Variants in AUTS2 observed in about 807,000 individuals in gnomAD.
AUTS2 encodes the protein autism susceptibility gene 2 protein.
A neutral mutation model predicts 112.4 loss-of-function variants in AUTS2; 17 were observed. The ratio of observed to expected loss-of-function variants is 0.15; its 90% CI spans 0.10 to 0.23. The LOEUF (loss-of-function observed/expected upper bound fraction) is 0.23, where lower values mean the gene tolerates loss of function less well. Ranked by LOEUF, AUTS2 falls within the 10% of genes least tolerant of loss-of-function variation. The probability of loss-of-function intolerance (pLI) is 1.00; values close to 1 mark genes in which losing one functional copy is unlikely to be tolerated. For missense variants in AUTS2, 1,510 were observed against 1,701.6 expected (o/e 0.89, Z 1.98); for synonymous variants, 751 against 702.7 (o/e 1.07, Z -1.09).
chr7:70,016,309 T>A (rs1395323706), intron 2 of AUTS2, among the ~76,000 whole-genome samples: 1 of 152,154 alleles, frequency 6.6e-6, no homozygotes, highest in Non-Finnish European at 1.5e-5. Flanking sequence ...TATATATAAT[T>A]GACATTGTTA....
intron 6 of AUTS2, among the ~76,000 whole-genome samples, chr7:70,728,621 T>C (rs1449297487): frequency 1.4e-5 from 2 of 146,080 alleles, no homozygotes; most frequent in African/African-American, 5.1e-5. Flanking sequence ...GGCGGGAAAA[T>C]CACTTGAACC....
At chr7:70,305,963 C>T (rs145888712) in intron 4 of AUTS2, among the ~76,000 whole-genome samples, 1 of 151,486 alleles carries the variant, frequency 6.6e-6, no homozygotes, top group African/African-American at 2.4e-5. Flanking sequence ...AAAATTATGC[C>T]AAACCATGTA....
chr7:70,584,282 A>G (rs1048797285), intron 5 of AUTS2, among the ~76,000 whole-genome samples: 4 of 152,198 alleles, frequency 2.6e-5, no homozygotes, highest in Non-Finnish European at 5.9e-5. Context: ...ATCTGGGGAA[A>G]AATTTCTTCT....
intron 4 of AUTS2, among the ~76,000 whole-genome samples, chr7:70,243,285 G>A (rs1222036757): frequency 7.6e-6 from 1 of 130,934 alleles, no homozygotes; most frequent in Non-Finnish European, 1.7e-5. Flanking sequence ...GTGTGTATGA[G>A]TATATATATA....
chr7:70,045,738 A>G (rs1332297816), intron 2 of AUTS2, among the ~76,000 whole-genome samples: 1 of 148,740 alleles, frequency 6.7e-6, no homozygotes, highest in Non-Finnish European at 1.5e-5. Context: ...CCTCCCGAGT[A>G]GCTGGGATTA....
At chr7:70,496,180 CA>C (rs1209705407) in intron 5 of AUTS2, among the ~76,000 whole-genome samples, 65 of 140,376 alleles carry the variant, frequency 4.6e-4, no homozygotes, top group Non-Finnish European at 5.0e-4. Context: ...CACACACACA[CA>C]CACCCCACAC....
chr7:69,721,462 C>G (rs1186836189), intron 1 of AUTS2, among the ~76,000 whole-genome samples: 1 of 152,182 alleles, frequency 6.6e-6, no homozygotes, highest in East Asian at 1.9e-4. Context: ...CCAATTTTCT[C>G]TGCTAGAAGT....
chr7:70,436,797 C>T (rs1412185043), intron 5 of AUTS2: 2 of 152,216 alleles, frequency 1.3e-5, no homozygotes, highest in African/African-American at 4.8e-5. Flanking sequence ...CAAGAGAGAT[C>T]TAAAGGCTCT....
rs1488143755 is a variant in AUTS2, at chr7:69,872,649, T to C, written c.310-26637T>C. On this transcript the variant is annotated intron_variant, in intron 1 of 18. Transcript: ENST00000342771. ...GAAAGTAGGCCTCCCTTTTTTTTTC[T>C]TGCATGTGGCAGATTAGTATCCTGT... 2.0e-5 allele frequency among the ~76,000 whole-genome samples: 3 copies of C among 151,948 alleles called. No homozygotes were observed. In the East Asian group the frequency reaches 5.8e-4, roughly 29 times the overall value.
chr7:69,697,025 A>G (rs1362749824), intron 1 of AUTS2, among the ~76,000 whole-genome samples: 1 of 152,242 alleles, frequency 6.6e-6, no homozygotes, highest in African/African-American at 2.4e-5. Flanking sequence ...ACGTATGTGT[A>G]TGCACAGAAA....
At chr7:70,288,554 G>A (rs1227832496) in intron 4 of AUTS2, among the ~76,000 whole-genome samples, 1 of 152,132 alleles carries the variant, frequency 6.6e-6, no homozygotes, top group South Asian at 2.1e-4. Flanking sequence ...TAGTCTACAG[G>A]TGTCTTTTCT....
chr7:70,440,120 G>A (rs1212449248), intron 5 of AUTS2, among the ~76,000 whole-genome samples: 1 of 151,484 alleles, frequency 6.6e-6, no homozygotes, highest in Non-Finnish European at 1.5e-5. Context: ...GTGGCTTATG[G>A]CGGTAATCCC....
chr7:70,053,543 G>GTTTTTTTTTTTTTTTTTTTTTTTTT (rs1563067760), intron 2 of AUTS2, among the ~76,000 whole-genome samples: 1 of 101,002 alleles, frequency 9.9e-6, no homozygotes, highest in Non-Finnish European at 2.0e-5. Context: ...TGTTTTGGGT[G>GTTTTTTTTTTTTTTTTTTTTTTTTT]GTTTTTTTTT....
At chr7:69,949,546 T>G (rs905804626) in intron 2 of AUTS2, among the ~76,000 whole-genome samples, 1 of 152,252 alleles carries the variant, frequency 6.6e-6, no homozygotes, top group African/African-American at 2.4e-5. Flanking sequence ...TAAACTACAT[T>G]AAAAGATTTA....
At chr7:70,045,444 T>A (rs1215391746) in intron 2 of AUTS2, among the ~76,000 whole-genome samples, 1 of 152,100 alleles carries the variant, frequency 6.6e-6, no homozygotes, top group African/African-American at 2.4e-5. Context: ...TTGTAATAAT[T>A]ATATTTTAGA....
At chr7:70,672,403 G>A (rs1807689989) in intron 5 of AUTS2, among the ~76,000 whole-genome samples, 1 of 152,152 alleles carries the variant, frequency 6.6e-6, no homozygotes, top group Non-Finnish European at 1.5e-5. Flanking sequence ...AGTAACAAAG[G>A]GAGAGACAGT....
intron 5 of AUTS2, among the ~76,000 whole-genome samples, chr7:70,499,117 C>T (rs576532241): frequency 5.9e-5 from 9 of 152,120 alleles, no homozygotes; most frequent in Non-Finnish European, 1.0e-4. Context: ...GCGAGTAAGA[C>T]GGGTCCCTGC....
chr7:69,742,355 G>A (rs1787306011), intron 1 of AUTS2, among the ~76,000 whole-genome samples: 1 of 152,066 alleles, frequency 6.6e-6, no homozygotes, highest in Non-Finnish European at 1.5e-5. Flanking sequence ...GTTCTAGGGG[G>A]AAAGATTTTC....
At chr7:70,384,526 T>C (rs1190172793) in intron 4 of AUTS2, among the ~76,000 whole-genome samples, 3 of 152,222 alleles carry the variant, frequency 2.0e-5, no homozygotes, top group Non-Finnish European at 4.4e-5. Flanking sequence ...ACTCCTGTCA[T>C]GCTGCACAAA....
Sources: gnomAD v4.1 joint callset for allele counts (sites outside exome capture counted in the v4.1 genomes callset) on GRCh38, gnomAD v4.1.1 for gene constraint, MANE v1.5 for transcripts, NCBI Gene and HGNC (gene_info 2026-07-23, HGNC 2026-07-21) for gene names.